The following EPB41 variants were observed in gnomAD, a reference collection of about 807,000 sequenced individuals.
EPB41 encodes the protein protein 4.1.
EPB41 carries 65 observed loss-of-function variants against 108.0 expected under a neutral mutation model. The ratio of observed to expected loss-of-function variants is 0.60; its 90% CI spans 0.49 to 0.74. The LOEUF (loss-of-function observed/expected upper bound fraction) is 0.74, where lower values mean the gene tolerates loss of function less well. Ranked by LOEUF, EPB41 falls within the 30% of genes least tolerant of loss-of-function variation. EPB41 has a pLI of 0.00. For synonymous variants in EPB41, 336 were observed against 358.9 expected, an observed-to-expected ratio of 0.94 and a Z score of 0.72; for missense variants, 875 against 1,037.0, an observed-to-expected ratio of 0.84 and a Z score of 2.15.
chr1:28,929,496 C>G (rs1336905259), intron 1 of EPB41, among the ~76,000 whole-genome samples: 1 of 151,828 alleles, frequency 6.6e-6, no homozygotes, highest in Non-Finnish European at 1.5e-5. Flanking sequence ...TCCCAAAGTG[C>G]TGGGATTACA....
At chr1:28,970,923 C>T (rs2149297297) in intron 1 of EPB41, among the ~76,000 whole-genome samples, 1 of 152,276 alleles carries the variant, frequency 6.6e-6, no homozygotes, top group South Asian at 2.1e-4. Context: ...TCTCGGCTCA[C>T]TGCAGCCTCC....
At chr1:29,014,042 TGCAGTG>T (rs2096545139) in intron 5 of EPB41, among the ~76,000 whole-genome samples, 1 of 151,960 alleles carries the variant, frequency 6.6e-6, no homozygotes, top group Non-Finnish European at 1.5e-5. Context: ...TATGGCCAGT[TGCAGTG>T]GCTCACGCCT....
intron 12 of EPB41, among the ~76,000 whole-genome samples, chr1:29,054,765 G>C (rs1645092147): frequency 6.6e-6 from 1 of 152,182 alleles, no homozygotes; most frequent in South Asian, 2.1e-4. Flanking sequence ...CAGAAGGATA[G>C]CTTGAACCTG....
At chr1:29,005,153 G>A (rs761572894) in intron 4 of EPB41, among the ~76,000 whole-genome samples, 55 of 152,176 alleles carry the variant, frequency 3.6e-4, no homozygotes, top group Non-Finnish European at 1.5e-4. Flanking sequence ...GGTGGCATCA[G>A]CTTCTGGGGA....
intron 1 of EPB41, among the ~76,000 whole-genome samples, chr1:28,938,535 ATT>A (rs35883902): frequency 2.8e-5 from 4 of 145,112 alleles, no homozygotes; most frequent in Non-Finnish European, 3.0e-5. Context: ...TGATTTTTGA[ATT>A]TTTTTTTTTT....
intron 9 of EPB41, among the ~76,000 whole-genome samples, 163 bp downstream of exon 9, chr1:29,033,408 T>C (rs556572295): frequency 1.3e-5 from 2 of 152,334 alleles, no homozygotes; most frequent in Admixed American, 1.3e-4. Flanking sequence ...GTGATGCTAC[T>C]TCTTTTCCTT....
intron 1 of EPB41, among the ~76,000 whole-genome samples, chr1:28,935,089 T>C (rs976396025): frequency 5.3e-5 from 8 of 151,506 alleles, no homozygotes; most frequent in African/African-American, 1.9e-4. Context: ...TCTATCCTGG[T>C]TGACAAAGTG....
intron 11 of EPB41, among the ~76,000 whole-genome samples, chr1:29,052,317 G>A (rs571352094): frequency 1.3e-5 from 2 of 152,194 alleles, no homozygotes; most frequent in South Asian, 2.1e-4. Flanking sequence ...AAATGTCTCC[G>A]GACATTGCCA....
At chr1:28,901,242 T>C (rs545486411) in intron 1 of EPB41, among the ~76,000 whole-genome samples, 2 of 146,334 alleles carry the variant, frequency 1.4e-5, no homozygotes, top group African/African-American at 4.9e-5. Flanking sequence ...TATTTACTTT[T>C]TGAGACAGAG....
At chr1:29,092,905 A>C (rs936147092) in intron 16 of EPB41, among the ~76,000 whole-genome samples, 3 of 152,190 alleles carry the variant, frequency 2.0e-5, no homozygotes, top group Non-Finnish European at 4.4e-5. Context: ...ATGGCTGCAT[A>C]GTATTCCATG....
intron 1 of EPB41, among the ~76,000 whole-genome samples, chr1:28,943,585 G>A (rs1240552603): frequency 6.6e-6 from 1 of 152,018 alleles, no homozygotes; most frequent in African/African-American, 2.4e-5. Flanking sequence ...GGAGGCGGAG[G>A]CTGCAGTGAG....
intron 4 of EPB41, among the ~76,000 whole-genome samples, chr1:29,010,009 A>G (rs1398740469): frequency 6.6e-6 from 1 of 152,138 alleles, no homozygotes; most frequent in Admixed American, 6.6e-5. Flanking sequence ...TTGTTGGTAG[A>G]GGGTGAGGAA....
chr1:28,924,521 C>A (rs2093331600), intron 1 of EPB41, among the ~76,000 whole-genome samples: 1 of 148,972 alleles, frequency 6.7e-6, no homozygotes, highest in Non-Finnish European at 1.5e-5. Context: ...CAGAGCGAGA[C>A]TACATCTCAA....
intron 1 of EPB41, among the ~76,000 whole-genome samples, chr1:28,915,731 C>CTTTTTTTTTTTTTTTTTTTTTTTTT (rs11321625): frequency 1.8e-5 from 1 of 56,074 alleles, no homozygotes; most frequent in African/African-American, 7.8e-5. Context: ...TTTTCAGATG[C>CTTTTTTTTTTTTTTTTTTTTTTTTT]TTTTTTTTTT....
Position 28,887,722 on chromosome 1 carries a change from C to T in EPB41, c.-8+512C>T, listed in dbSNP as rs2089595061. On this transcript the variant is annotated intron_variant, in intron 1 of 16. Coordinates refer to the EPB41 transcript ENST00000347529. The surrounding 1 kb of genome is among the most constrained non-coding windows in gnomAD (Gnocchi z 4.9). ...ACGTAACTGACTTTGAGTTTCCGGA[C>T]CCAGGAACCGACCCGCCAGCTGGGG... is the stretch of plus-strand genomic sequence containing the variant. 2.0e-6 allele frequency: 2 copies of T among 982,166 alleles called. No homozygotes were observed. Among genetic ancestry groups the T allele is most frequent in the South Asian group, 4.7e-5 (1 of 21,240 alleles). The allele number at this position is 982,166 out of a possible 1,614,324, so 60.8% of individuals were successfully genotyped here. A position where few individuals can be genotyped will look rare whatever the true frequency, so the allele number is the denominator to read the frequency against.
chr1:28,992,595 A>G (rs2096054952), intron 2 of EPB41, among the ~76,000 whole-genome samples: 1 of 152,182 alleles, frequency 6.6e-6, no homozygotes, highest in African/African-American at 2.4e-5. Flanking sequence ...AGGCCCAGGC[A>G]GGAGAATCGC....
chr1:29,026,700 G>A (rs2096722975), intron 7 of EPB41, among the ~76,000 whole-genome samples: 1 of 152,160 alleles, frequency 6.6e-6, no homozygotes, highest in African/African-American at 2.4e-5. Context: ...GAGGTGGGCT[G>A]ACTGCTTGAG....
At position 29,111,821 on chromosome 1, in the gene EPB41, C is replaced by A. The variant is rs963365771; in HGVS notation, c.2416-547C>A. ...GTGAAACCCCATCTCTACTAAAAAT[C>A]CAAAAATTAGCTGGGCATGGTGGTG... On this transcript the variant is annotated intron_variant, in intron 18 of 20. Coordinates refer to ENST00000343067, the MANE Select transcript of EPB41 (RefSeq NM_001376013.1). Among the ~76,000 whole-genome samples the A allele has an allele frequency of 6.0e-5, 9 of 150,952 alleles. No homozygotes were observed. In the East Asian group the frequency reaches 1.6e-3, roughly 26 times the overall value.
intron 5 of EPB41, among the ~76,000 whole-genome samples, chr1:29,012,161 A>T (rs935500658): frequency 3.3e-5 from 5 of 151,976 alleles, no homozygotes; most frequent in Non-Finnish European, 7.4e-5. Flanking sequence ...TGGGGAAGAT[A>T]GGAAGAGTTG....
Sources: allele counts gnomAD v4.1 joint callset (sites outside exome capture counted in the v4.1 genomes callset), GRCh38; gene constraint gnomAD v4.1.1; non-coding constraint Gnocchi (gnomAD v3.1); transcripts MANE v1.5; gene names NCBI Gene and HGNC (gene_info 2026-07-23, HGNC 2026-07-21).